The following HEMK2 variants were observed in gnomAD, a reference collection of about 807,000 sequenced individuals.
HEMK2 encodes HemK methyltransferase 2, ETF1 glutamine and histone H4 lysine.
the HEMK2 span, among the ~76,000 whole-genome samples, chr21:28,699,043 C>A: frequency 6.6e-6 from 1 of 152,042 alleles, no homozygotes; most frequent in Non-Finnish European, 1.5e-5. Context: ...ATGTTCACCT[C>A]CTAATATTAT....
chr21:28,722,489 T>G, the HEMK2 span, among the ~76,000 whole-genome samples: 1 of 152,150 alleles, frequency 6.6e-6, no homozygotes, highest in African/African-American at 2.4e-5. Flanking sequence ...CAATTGAAAA[T>G]TATTTGAGAG....
chr21:28,794,768 C>T, the HEMK2 span, among the ~76,000 whole-genome samples: 2 of 152,156 alleles, frequency 1.3e-5, no homozygotes, highest in African/African-American at 2.4e-5. Context: ...CACCAGATGC[C>T]TTTGTTTCAT....
the HEMK2 span, among the ~76,000 whole-genome samples, chr21:28,672,934 C>T: frequency 7.6e-6 from 1 of 131,312 alleles, no homozygotes; most frequent in African/African-American, 2.9e-5. Context: ...ATGATAAACG[C>T]AAAAAGAAGG....
At chr21:28,882,906 G>C in the HEMK2 span, 1 of 995,612 alleles carries the variant, frequency 1.0e-6, no homozygotes, top group Non-Finnish European at 1.5e-6. Context: ...GATACATACT[G>C]TCTCTTTAAA....
At chr21:28,781,934 C>A in the HEMK2 span, among the ~76,000 whole-genome samples, 1 of 152,218 alleles carries the variant, frequency 6.6e-6, no homozygotes, top group Non-Finnish European at 1.5e-5. Context: ...TTAGAGGTTA[C>A]CTCCAGAGTA....
At chr21:28,734,366 C>A in the HEMK2 span, among the ~76,000 whole-genome samples, 1 of 152,238 alleles carries the variant, frequency 6.6e-6, no homozygotes, top group African/African-American at 2.4e-5. Context: ...TTGTCTGCCA[C>A]GGCATGTCTG....
chr21:28,626,692 A>G, the HEMK2 span: 1 of 152,182 alleles, frequency 6.6e-6, no homozygotes, highest in African/African-American at 2.4e-5. Flanking sequence ...TAAACAATAA[A>G]ATGAAATAAG....
At chr21:28,618,887 G>GT in the HEMK2 span, among the ~76,000 whole-genome samples, 1 of 152,198 alleles carries the variant, frequency 6.6e-6, no homozygotes, top group East Asian at 1.9e-4. Context: ...TACATTGGTC[G>GT]TTATGAACTG....
At chr21:28,694,867 G>T in the HEMK2 span, among the ~76,000 whole-genome samples, 1 of 151,970 alleles carries the variant, frequency 6.6e-6, no homozygotes, top group Non-Finnish European at 1.5e-5. Context: ...GCGTGGTGGC[G>T]GGCGCCTATA....
At chr21:28,795,874 G>A in the HEMK2 span, among the ~76,000 whole-genome samples, 5 of 152,154 alleles carry the variant, frequency 3.3e-5, no homozygotes, top group African/African-American at 1.2e-4. Context: ...GGCTTGGCCT[G>A]AGTCTGATGA....
chr21:28,777,664 C>T, the HEMK2 span, among the ~76,000 whole-genome samples: 2 of 152,194 alleles, frequency 1.3e-5, no homozygotes, highest in South Asian at 2.1e-4. Flanking sequence ...TTAAAGAACA[C>T]GTTTGGCAAG....
At chr21:28,652,889 G>A in the HEMK2 span, among the ~76,000 whole-genome samples, 2 of 152,008 alleles carry the variant, frequency 1.3e-5, no homozygotes, top group African/African-American at 4.8e-5. Context: ...ATACTCCCAC[G>A]AGTGCCATGA....
the HEMK2 span, among the ~76,000 whole-genome samples, chr21:28,878,894 A>C: frequency 6.7e-6 from 1 of 148,972 alleles, no homozygotes; most frequent in Non-Finnish European, 1.5e-5. Flanking sequence ...AAACACATAG[A>C]TCTTTTCTAA....
At chr21:28,605,265 T>A in the HEMK2 span, among the ~76,000 whole-genome samples, 1 of 152,212 alleles carries the variant, frequency 6.6e-6, no homozygotes, top group Non-Finnish European at 1.5e-5. Context: ...CACACAGATA[T>A]TAATGCTGAG....
At chr21:28,709,066 G>A in the HEMK2 span, among the ~76,000 whole-genome samples, 7 of 152,130 alleles carry the variant, frequency 4.6e-5, no homozygotes, top group Non-Finnish European at 1.0e-4. Flanking sequence ...CTCACATGGT[G>A]AAAAGAGCTG....
the HEMK2 span, among the ~76,000 whole-genome samples, chr21:28,716,049 C>T: frequency 6.6e-6 from 1 of 152,096 alleles, no homozygotes; most frequent in Non-Finnish European, 1.5e-5. Flanking sequence ...CATAGCCTTA[C>T]AGTTTAGTTT....
the HEMK2 span, among the ~76,000 whole-genome samples, chr21:28,804,561 C>T: frequency 3.8e-4 from 58 of 152,036 alleles, no homozygotes; most frequent in African/African-American, 1.4e-3. Flanking sequence ...ATAGGGAGAC[C>T]CCATCTCTAC....
chr21:28,798,137 C>G, the HEMK2 span, among the ~76,000 whole-genome samples: 3 of 152,178 alleles, frequency 2.0e-5, no homozygotes, highest in Non-Finnish European at 4.4e-5. Flanking sequence ...CAAGCAGCAA[C>G]CGCTACTTTC....
chr21:28,772,985 A>G, the HEMK2 span, among the ~76,000 whole-genome samples: 1 of 152,330 alleles, frequency 6.6e-6, no homozygotes, highest in East Asian at 1.9e-4. Context: ...ATGTAATCAT[A>G]TGAGTTTTAT....
Sources: gnomAD v4.1 joint callset for allele counts (sites outside exome capture counted in the v4.1 genomes callset) on GRCh38, gnomAD v4.1.1 for gene constraint, MANE v1.5 for transcripts, NCBI Gene and HGNC (gene_info 2026-07-23, HGNC 2026-07-21) for gene names.